The following RPRD1B variants were observed in gnomAD, a reference collection of about 807,000 sequenced individuals.
RPRD1B encodes regulation of nuclear pre-mRNA domain-containing protein 1B.
In RPRD1B, 11 loss-of-function variants were observed where a neutral mutation model predicts 41.5. The observed-to-expected ratio is 0.27, with a 90% CI of 0.17 to 0.44. The LOEUF is 0.44. Among genes scored for constraint, RPRD1B ranks in the 20% least tolerant of loss-of-function variants. The probability of loss-of-function intolerance (pLI) is 1.00; values close to 1 mark genes in which losing one functional copy is unlikely to be tolerated. For synonymous variants in RPRD1B, 158 were observed against 155.6 expected (o/e 1.02, Z -0.12); for missense variants, 248 against 389.9 (o/e 0.64, Z 3.06).
chr20:38,068,413 G>A (rs1193162996), intron 6 of RPRD1B, among the ~76,000 whole-genome samples: 2 of 152,178 alleles, frequency 1.3e-5, no homozygotes, highest in African/African-American at 4.8e-5. Flanking sequence ...TTTTTTCTGA[G>A]ATGGAGTCTC....
chr20:38,090,684 G>A lies in RPRD1B; in HGVS notation c.*809G>A, dbSNP rs1429617677. The A allele has an allele frequency of 2.0e-6, 2 of 985,398 alleles. No homozygotes were observed. Among genetic ancestry groups the A allele is most frequent in the Non-Finnish European group, 2.4e-6 (2 of 829,964 alleles). The allele number at this position is 985,398 out of a possible 1,614,324, so 61.0% of individuals were successfully genotyped here. A position where few individuals can be genotyped will look rare whatever the true frequency, so the allele number is the denominator to read the frequency against. ...ATCCCTGGTGGGTGCGAAGGCAGTTGTTAGGGATGGCAGGCATTGGTGGGC... is the reference window on the plus strand; with the variant it reads ...ATCCCTGGTGGGTGCGAAGGCAGTTATTAGGGATGGCAGGCATTGGTGGGC... On this transcript the variant is annotated 3_prime_UTR_variant, in exon 7 of 7. Transcript: ENST00000373433.
intron 6 of RPRD1B, among the ~76,000 whole-genome samples, chr20:38,068,592 G>A (rs2074381815): frequency 6.6e-6 from 1 of 152,152 alleles, no homozygotes; most frequent in Non-Finnish European, 1.5e-5. Context: ...CAGAGACAGA[G>A]TTTCACCATA....
chr20:38,038,307 A>G (rs931265873), intron 1 of RPRD1B, among the ~76,000 whole-genome samples: 8 of 134,900 alleles, frequency 5.9e-5, no homozygotes, highest in African/African-American at 2.3e-4. Context: ...CTGTAGCTAC[A>G]TTTTTTTTTT....
intron 2 of RPRD1B, among the ~76,000 whole-genome samples, chr20:38,047,475 C>T (rs1464438587): frequency 6.6e-6 from 1 of 152,076 alleles, no homozygotes; most frequent in Non-Finnish European, 1.5e-5. Flanking sequence ...CGAGGTATCC[C>T]TTCTTGTTTA....
intron 2 of RPRD1B, among the ~76,000 whole-genome samples, chr20:38,046,010 C>A (rs755168257): frequency 2.0e-5 from 3 of 152,350 alleles, no homozygotes; most frequent in Non-Finnish European, 4.4e-5. Context: ...GCACATTCCC[C>A]CATATACTTC....
At chr20:38,044,634 A>T (rs1012901432) in intron 2 of RPRD1B, among the ~76,000 whole-genome samples, 2 of 152,090 alleles carry the variant, frequency 1.3e-5, no homozygotes, top group Admixed American at 6.6e-5. Flanking sequence ...TTGGCCTCTC[A>T]AAGTGCTGGG....
chr20:38,047,454 T>C lies in RPRD1B; in HGVS notation c.282-894T>C, dbSNP rs73298440. On this transcript the variant is annotated intron_variant, in intron 2 of 6. Transcript: ENST00000373433. ...CCTATTAAAAGCCATTTAACTTAGA[T>C]ACTAAGATGTCGAGGTATCCCTTCT... Among the ~76,000 whole-genome samples the C allele has an allele frequency of 2.8e-3, 426 of 152,314 alleles. 3 individuals carry two copies. Among genetic ancestry groups the C allele is most frequent in the African/African-American group, 9.7e-3 (404 of 41,572 alleles).
At chr20:38,057,000 CAGT>C (rs879304781) in intron 3 of RPRD1B, among the ~76,000 whole-genome samples, 5 of 152,138 alleles carry the variant, frequency 3.3e-5, no homozygotes, top group Non-Finnish European at 7.4e-5. Flanking sequence ...TAATTTTTCT[CAGT>C]AGTATCAATC....
chr20:38,070,738 A>ATTTTTTTTTTTT, intron 6 of RPRD1B: 1 of 891,756 alleles, frequency 1.1e-6, no homozygotes, highest in Non-Finnish European at 1.3e-6. Context: ...CTTAACTGTG[A>ATTTTTTTTTTTT]TTTTTTTTTT....
chr20:38,078,985 C>T (rs922721706), intron 6 of RPRD1B, among the ~76,000 whole-genome samples: 3 of 152,202 alleles, frequency 2.0e-5, no homozygotes, highest in Non-Finnish European at 4.4e-5. Flanking sequence ...TTCTTCAACT[C>T]TGCATGTCTT....
chr20:38,037,902 C>T (rs956181458), intron 1 of RPRD1B, among the ~76,000 whole-genome samples: 1 of 151,614 alleles, frequency 6.6e-6, no homozygotes, highest in Non-Finnish European at 1.5e-5. Flanking sequence ...TAAAGCTTCA[C>T]TTAATGAAAT....
At chr20:38,043,395 CT>C (rs1357909116) in intron 2 of RPRD1B, among the ~76,000 whole-genome samples, 1 of 152,134 alleles carries the variant, frequency 6.6e-6, no homozygotes, top group African/African-American at 2.4e-5. Flanking sequence ...CACATACACC[CT>C]GTAAGTCTTG....
intron 6 of RPRD1B, among the ~76,000 whole-genome samples, chr20:38,069,054 AT>A (rs1206406786): frequency 6.6e-6 from 1 of 152,156 alleles, no homozygotes; most frequent in Non-Finnish European, 1.5e-5. Flanking sequence ...AGAAGTAGTT[AT>A]TTGCTTGCGA....
In RPRD1B at chr20:38,059,379, G is replaced by T. The variant is rs1218054926; in HGVS notation, c.529-15G>T. 6.2e-7 allele frequency: 1 copy of T among 1,606,790 alleles called. No homozygotes were observed. Among genetic ancestry groups the T allele is most frequent in the Non-Finnish European group, 8.5e-7 (1 of 1,175,998 alleles). ...TGTCTTAATGGGTAGTGTTGTTTGTGTTTTCATCTTACAGACTGAGGAACT... is the reference window on the plus strand; with the variant it reads ...TGTCTTAATGGGTAGTGTTGTTTGTTTTTTCATCTTACAGACTGAGGAACT... On this transcript the variant is annotated splice_polypyrimidine_tract_variant and intron_variant, in intron 4 of 6. Coordinates refer to ENST00000373433, the MANE Select transcript of RPRD1B (RefSeq NM_021215.4).
intron 6 of RPRD1B, among the ~76,000 whole-genome samples, chr20:38,072,831 G>A (rs1203895333): frequency 1.3e-5 from 2 of 152,182 alleles, no homozygotes; most frequent in African/African-American, 2.4e-5. Context: ...GAAGATATGA[G>A]TATTTTGTGT....
At chr20:38,089,691 G>C (rs958927770) in intron 6 of RPRD1B, 35 bp from the exon 7 acceptor site, 3 of 1,588,086 alleles carry the variant, frequency 1.9e-6, no homozygotes, top group African/African-American at 2.7e-5. Flanking sequence ...GGCACGCACA[G>C]ACTTAACGGT....
At chr20:38,042,652 T>C (rs548537065) in intron 2 of RPRD1B, among the ~76,000 whole-genome samples, 12 of 152,288 alleles carry the variant, frequency 7.9e-5, no homozygotes, top group African/African-American at 2.9e-4. Context: ...TCTCCTTTCT[T>C]ATACCCCATT....
chr20:38,077,516 C>T (rs1186830610), intron 6 of RPRD1B, among the ~76,000 whole-genome samples: 3 of 152,088 alleles, frequency 2.0e-5, no homozygotes, highest in Admixed American at 1.3e-4. Flanking sequence ...TTGCTTTGGC[C>T]TCCTTGTCAC....
At chr20:38,089,668 C>A in intron 6 of RPRD1B, 58 bp from the exon 7 acceptor site, 3 of 1,433,330 alleles carry the variant, frequency 2.1e-6, no homozygotes, top group South Asian at 2.4e-5. Flanking sequence ...GCTCCAGCAG[C>A]ACCCATGCCC....
Sources: gnomAD v4.1 joint callset for allele counts (sites outside exome capture counted in the v4.1 genomes callset) on GRCh38, gnomAD v4.1.1 for gene constraint, MANE v1.5 for transcripts, NCBI Gene and HGNC (gene_info 2026-07-23, HGNC 2026-07-21) for gene names.